Variants in ZNF827 observed in about 807,000 individuals in gnomAD.
ZNF827 encodes zinc finger protein 827.
A neutral mutation model predicts 102.4 loss-of-function variants in ZNF827; 13 were observed. That is an observed-to-expected ratio of 0.13 (90% CI 0.08 to 0.20). ZNF827 has a LOEUF of 0.20. Ranked by LOEUF, ZNF827 falls within the 10% of genes least tolerant of loss-of-function variation. The pLI is 1.00. For synonymous variants in ZNF827, 523 were observed against 536.2 expected, an observed-to-expected ratio of 0.98 and a Z score of 0.34; for missense variants, 1,103 against 1,344.4, an observed-to-expected ratio of 0.82 and a Z score of 2.81.
chr4:145,931,866 C>T (rs1174367807), intron 1 of ZNF827, among the ~76,000 whole-genome samples: 11 of 152,236 alleles, frequency 7.2e-5, no homozygotes, highest in Non-Finnish European at 2.9e-5. Context: ...GCTCCACCAT[C>T]ATTTCCCTCT....
At chr4:145,914,740 T>G (rs968010668) in intron 1 of ZNF827, among the ~76,000 whole-genome samples, 8 of 152,146 alleles carry the variant, frequency 5.3e-5, no homozygotes, top group Non-Finnish European at 1.5e-5. Flanking sequence ...AGTCCAGTGG[T>G]TTTATCCATT....
intron 4 of ZNF827, among the ~76,000 whole-genome samples, chr4:145,872,797 C>T (rs1748813826): frequency 2.6e-5 from 4 of 151,094 alleles, no homozygotes; most frequent in Non-Finnish European, 1.5e-5. Context: ...ATCGCTTGAA[C>T]CCAGGAGGCA....
intron 5 of ZNF827, among the ~76,000 whole-genome samples, chr4:145,860,655 G>A (rs941607135): frequency 2.6e-5 from 4 of 152,160 alleles, no homozygotes; most frequent in Admixed American, 2.0e-4. Context: ...CTGCTATCCC[G>A]TAGTTAGAAA....
chr4:145,826,417 T>C (rs1346227913), intron 7 of ZNF827, among the ~76,000 whole-genome samples: 1 of 152,228 alleles, frequency 6.6e-6, no homozygotes, highest in African/African-American at 2.4e-5. Context: ...TTAACTTCAC[T>C]TGGTCCTCAT....
rs375267951 is a variant in ZNF827 at position 145,765,510 on chromosome 4, G to A, written c.3052+37C>T. The A allele has an allele frequency of 1.2e-4, 189 of 1,575,064 alleles. No homozygotes were observed. In the East Asian group the frequency reaches 2.8e-3, roughly 23 times the overall value. On this transcript the variant is annotated intron_variant, in intron 12 of 14. Transcript: ENST00000508784. This position sits in a 1 kb window ranked among gnomAD's most constrained non-coding sequence, Gnocchi z 4.7. ...CTCAAGAATGGGTCATCCTGGGTGC[G>A]GAGGGTTGAGCAGGCTCACACCCAC...
chr4:145,835,699 T>C (rs1744766407), intron 7 of ZNF827, among the ~76,000 whole-genome samples: 1 of 138,010 alleles, frequency 7.2e-6, no homozygotes. Flanking sequence ...TACCATCTCA[T>C]TAAAACCTAA....
intron 11 of ZNF827, chr4:145,770,842 G>A (rs779800479): frequency 3.3e-5 from 5 of 152,150 alleles, no homozygotes; most frequent in Non-Finnish European, 7.3e-5. Flanking sequence ...CTGGGTCACA[G>A]GGCATTACAT....
At chr4:145,915,224 G>T (rs1357257803) in intron 1 of ZNF827, among the ~76,000 whole-genome samples, 2 of 152,244 alleles carry the variant, frequency 1.3e-5, no homozygotes, top group Non-Finnish European at 2.9e-5. Context: ...GAGGCGGGTG[G>T]ATCACCTGAG....
At position 145,799,590 on chromosome 4, in the gene ZNF827, G is replaced by GC. The variant is rs542887725; in HGVS notation, c.2384-20080dup. ...AAAACCAGACATCTGAGCAGAGACTGCTAGCTGCCCTCCAACATCCATACT... is the reference window on the plus strand; with the variant it reads ...AAAACCAGACATCTGAGCAGAGACTGCCTAGCTGCCCTCCAACATCCATACT... On this transcript the variant is annotated intron_variant, in intron 8 of 14. Coordinates refer to ENST00000508784, the MANE Select transcript of ZNF827 (RefSeq NM_001306215.2). Among the ~76,000 whole-genome samples, 43 of 152,306 alleles carry GC rather than the reference G, an allele frequency of 2.8e-4. No homozygotes were observed. In the South Asian group the frequency reaches 8.5e-3, roughly 30 times the overall value.
intron 1 of ZNF827, among the ~76,000 whole-genome samples, chr4:145,931,640 C>G (rs1753814386): frequency 6.6e-6 from 1 of 152,198 alleles, no homozygotes; most frequent in Non-Finnish European, 1.5e-5. Flanking sequence ...ACCAATACAT[C>G]ACTCAGAATG....
intron 1 of ZNF827, chr4:145,906,943 G>C: frequency 2.4e-6 from 1 of 415,058 alleles, no homozygotes. Flanking sequence ...TGAAGATGCT[G>C]CTACTGAAAT....
chr4:145,854,811 G>A (rs557950497), intron 5 of ZNF827, among the ~76,000 whole-genome samples: 12 of 152,188 alleles, frequency 7.9e-5, no homozygotes, highest in Admixed American at 1.3e-4. Flanking sequence ...TATCTTCCTC[G>A]AGTGGCACTC....
chr4:145,779,488 C>T lies in ZNF827; in HGVS notation c.2407G>A (p.Ala803Thr). ...APETEKIVLE[A>T]GNGLPSWKFN... ...TTCCAGGATGGTAATCCATTTCCTG[C>T]CTCTAGGACTATCTTTTCTGTTTCT... is the stretch of plus-strand genomic sequence containing the variant. The change falls in exon 9 of 15, where the codon GCA becomes ACA. Residue 803 changes from alanine (A) to threonine (T), a missense_variant. Ala to Thr is a moderately conservative substitution (Grantham distance 58). This residue lies in a region of ZNF827 where 242 missense variants were observed against 361.9 expected (regional missense o/e 0.67). Transcript: ENST00000508784. The T allele has an allele frequency of 6.2e-7, 1 of 1,614,090 alleles. No homozygotes were observed. The highest frequency in any genetic ancestry group is 1.7e-5 in the Admixed American group (1 of 60,014).
At chr4:145,903,788 T>G (rs1751614732) in intron 1 of ZNF827, among the ~76,000 whole-genome samples, 1 of 152,232 alleles carries the variant, frequency 6.6e-6, no homozygotes, top group Non-Finnish European at 1.5e-5. Context: ...ACTCACTTTA[T>G]CAGTTGTTAT....
intron 5 of ZNF827, among the ~76,000 whole-genome samples, chr4:145,861,397 C>T (rs570083210): frequency 6.6e-5 from 10 of 152,240 alleles, no homozygotes; most frequent in South Asian, 4.2e-4. Context: ...AAAACTTGTC[C>T]TATGAGTGAA....
At chr4:145,767,213 A>G (rs1262656931) in intron 11 of ZNF827, among the ~76,000 whole-genome samples, 4 of 152,236 alleles carry the variant, frequency 2.6e-5, no homozygotes, top group Non-Finnish European at 5.9e-5. Context: ...ATGATATTAA[A>G]AAGATCTAAA....
intron 4 of ZNF827, among the ~76,000 whole-genome samples, chr4:145,880,109 C>T (rs1749537997): frequency 6.6e-6 from 1 of 152,294 alleles, no homozygotes; most frequent in Non-Finnish European, 1.5e-5. Flanking sequence ...GTGGCAGGTA[C>T]CTTTAGTCCC....
At chr4:145,819,101 G>A (rs188651060) in intron 8 of ZNF827, among the ~76,000 whole-genome samples, 16 of 150,862 alleles carry the variant, frequency 1.1e-4, no homozygotes, top group African/African-American at 3.2e-4. Context: ...AACCAACAAC[G>A]TGAGTTTTTT....
intron 5 of ZNF827, among the ~76,000 whole-genome samples, chr4:145,856,710 CA>C (rs1561005057): frequency 6.6e-6 from 1 of 150,932 alleles, no homozygotes; most frequent in African/African-American, 2.4e-5. Context: ...CACACACACA[CA>C]CACACACACA....
Sources: allele counts gnomAD v4.1 joint callset (sites outside exome capture counted in the v4.1 genomes callset), GRCh38; gene constraint gnomAD v4.1.1; regional missense constraint gnomAD v4.1.1; non-coding constraint Gnocchi (gnomAD v3.1); transcripts MANE v1.5; gene names NCBI Gene and HGNC (gene_info 2026-07-23, HGNC 2026-07-21).